Variants in EHMT1 observed in about 807,000 individuals in gnomAD.
EHMT1 encodes histone-lysine N-methyltransferase EHMT1.
Under a neutral mutation model 147.2 loss-of-function variants are expected in EHMT1, and 15 were observed. That is an observed-to-expected ratio of 0.10 (90% confidence interval 0.07 to 0.16). The LOEUF (loss-of-function observed/expected upper bound fraction) is 0.16. Among genes scored for constraint, EHMT1 ranks in the 10% least tolerant of loss-of-function variants. EHMT1 has a pLI of 1.00. For missense variants in EHMT1, 1,587 were observed against 1,772.4 expected (o/e 0.90, Z 1.88); for synonymous variants, 795 against 709.6 (o/e 1.12, Z -1.91).
At chr9:137,643,441 C>CGCCATCCTCAT (rs1844648874) in intron 1 of EHMT1, among the ~76,000 whole-genome samples, 1 of 147,534 alleles carries the variant, frequency 6.8e-6, no homozygotes, top group Non-Finnish European at 1.5e-5. Flanking sequence ...CCCAGGTTCA[C>CGCCATCCTCAT]GCCATCCTCC....
chr9:137,681,612 AC>A (rs989761658), intron 1 of EHMT1, among the ~76,000 whole-genome samples: 20 of 151,890 alleles, frequency 1.3e-4, no homozygotes, highest in African/African-American at 3.9e-4. Context: ...CTTTCCTGAT[AC>A]CTTCACAGGC....
intron 16 of EHMT1, among the ~76,000 whole-genome samples, chr9:137,797,434 G>C (rs1490959126): frequency 6.6e-6 from 1 of 152,132 alleles, no homozygotes; most frequent in African/African-American, 2.4e-5. Context: ...GCTGGCGTCT[G>C]TCTCTCACCT....
chr9:137,683,165 C>A (rs1337107663), intron 1 of EHMT1, among the ~76,000 whole-genome samples: 1 of 152,194 alleles, frequency 6.6e-6, no homozygotes, highest in Non-Finnish European at 1.5e-5. Flanking sequence ...TTATTAAAAT[C>A]ATCAGTAAAG....
chr9:137,705,709 C>A (rs112000750), intron 1 of EHMT1, among the ~76,000 whole-genome samples: 12 of 152,280 alleles, frequency 7.9e-5, no homozygotes, highest in African/African-American at 2.9e-4. Context: ...GAGCGAGAAG[C>A]CCCAAGTCAG....
rs1259376976 is a variant in EHMT1, at chr9:137,759,037, G to C, written c.1501+1026G>C. 2.0e-5 allele frequency among the ~76,000 whole-genome samples: 3 copies of C among 151,860 alleles called. No homozygotes were observed. In the East Asian group the frequency reaches 5.8e-4, roughly 29 times the overall value. On this transcript the variant is annotated intron_variant, in intron 9 of 26. Transcript: ENST00000460843. ...AGCTACTCGGGAGGCTGAGGCAGGA[G>C]AATGGTGTGAACCCAGGAAGCAGAG...
At chr9:137,704,841 C>CACCGAGA (rs1944125881) in intron 1 of EHMT1, among the ~76,000 whole-genome samples, 1 of 116,864 alleles carries the variant, frequency 8.6e-6, no homozygotes, top group Admixed American at 1.2e-4. Context: ...TCTTTCTTTC[C>CACCGAGA]TTTCCTTCCC....
rs1328108630 is a variant in EHMT1, at chr9:137,798,846, GC to G, written c.2541del (p.Lys848ArgfsTer30). 1 of 1,614,202 alleles carries G rather than the reference GC, an allele frequency of 6.2e-7. No individual in the cohort carries two copies. The highest frequency in any genetic ancestry group is 8.5e-7 in the Non-Finnish European group (1 of 1,180,014). On this transcript the variant is annotated frameshift_variant, in exon 17 of 27. Transcript: ENST00000460843. LOFTEE classifies it high-confidence loss of function. ...AEGSTCLHLA[A>X]KKGHYEVVQY... is the part of the protein sequence containing the mutation. ...GGGCTCTACGTGTTTGCACCTGGCTGCCAAGAAAGGCCACTACGAAGTGGTC... is the reference window on the plus strand; with the variant it reads ...GGGCTCTACGTGTTTGCACCTGGCTGCAAGAAAGGCCACTACGAAGTGGTC...
intron 14 of EHMT1, among the ~76,000 whole-genome samples, chr9:137,781,916 T>C (rs12003716): frequency 0.049 from 7,506 of 152,286 alleles, 618 homozygotes; most frequent in African/African-American, 0.17. Flanking sequence ...TGCTCAGGCC[T>C]CTGTCCCCGG....
chr9:137,740,123 A>G (rs942938132), intron 4 of EHMT1, among the ~76,000 whole-genome samples: 3 of 150,670 alleles, frequency 2.0e-5, no homozygotes, highest in Non-Finnish European at 4.4e-5. Flanking sequence ...CCTTGTCCAC[A>G]CCTCTTCTAC....
At chr9:137,696,685 A>G (rs1202597476) in intron 1 of EHMT1, among the ~76,000 whole-genome samples, 1 of 152,224 alleles carries the variant, frequency 6.6e-6, no homozygotes. Flanking sequence ...AGATAAGTTT[A>G]AAGAGACCGC....
At chr9:137,684,882 A>G (rs547130378) in intron 1 of EHMT1, among the ~76,000 whole-genome samples, 1 of 152,272 alleles carries the variant, frequency 6.6e-6, no homozygotes, top group East Asian at 1.9e-4. Flanking sequence ...GTATTTTGCT[A>G]TGTCCTGTTT....
At position 137,641,383 on chromosome 9, in the gene EHMT1, T is replaced by A. The variant is rs1211504222; in HGVS notation, c.21+22334T>A. ...GGATTTTCGTCAAAATAAAAACCTA[T>A]TCTGTAACCTGATTTAATATCTTCA... On this transcript the variant is annotated intron_variant, in intron 1 of 26. Coordinates refer to ENST00000460843, the MANE Select transcript of EHMT1 (RefSeq NM_024757.5). The A allele has an allele frequency of 1.2e-5, 6 of 521,330 alleles. No homozygotes were observed. In the East Asian group the frequency reaches 3.0e-4, roughly 26 times the overall value. The allele number at this position is 521,330 out of a possible 1,614,324, so 32.3% of individuals were successfully genotyped here.
intron 16 of EHMT1, chr9:137,795,236 A>G (rs961288419): frequency 3.3e-5 from 5 of 152,204 alleles, no homozygotes. Flanking sequence ...TAAACACTGA[A>G]ATACATGTGA....
At chr9:137,798,538 T>C (rs1953154843) in intron 16 of EHMT1, among the ~76,000 whole-genome samples, 1 of 152,238 alleles carries the variant, frequency 6.6e-6, no homozygotes, top group African/African-American at 2.4e-5. Flanking sequence ...CCATCTATTA[T>C]TTTAAGTTCT....
intron 16 of EHMT1, among the ~76,000 whole-genome samples, chr9:137,793,832 G>A (rs1441141277): frequency 6.6e-6 from 1 of 152,216 alleles, no homozygotes; most frequent in Non-Finnish European, 1.5e-5. Flanking sequence ...GCCATCGAGA[G>A]TAGGGAGATT....
rs760127163 is a variant in EHMT1, at chr9:137,782,056, G to T, written c.2276-235G>T. ...AGAGCAGGGTGGTAAAGGGAAGAGC[G>T]TGCCTTGCCGAGTTAGTTCTGACAG... is the stretch of plus-strand genomic sequence containing the variant. On this transcript the variant is annotated intron_variant, in intron 14 of 26. Coordinates refer to ENST00000460843, the MANE Select transcript of EHMT1 (RefSeq NM_024757.5). The surrounding 1 kb of genome is among the most constrained non-coding windows in gnomAD (Gnocchi z 5.7). 6.6e-6 allele frequency among the ~76,000 whole-genome samples: 1 copy of T among 152,218 alleles called. No individual in the cohort carries two copies. Among genetic ancestry groups the T allele is most frequent in the East Asian group, 1.9e-4 (1 of 5,196 alleles).
Position 137,731,133 on chromosome 9 carries a change from C to T in EHMT1, c.823+2604C>T, listed in dbSNP as rs957117532. Among the ~76,000 whole-genome samples the T allele has an allele frequency of 1.3e-5, 2 of 152,202 alleles. No individual in the cohort carries two copies. Among genetic ancestry groups the T allele is most frequent in the African/African-American group, 4.8e-5 (2 of 41,436 alleles). On this transcript the variant is annotated intron_variant, in intron 4 of 26. Transcript: ENST00000460843. The surrounding 1 kb of genome is among the most constrained non-coding windows in gnomAD (Gnocchi z 4.3). ...AGCGTGTTTAGCAGGCTCCAGTTTA[C>T]CCTTCCACAGCCCCCTTCCTCCACC... is the stretch of plus-strand genomic sequence containing the variant.
intron 18 of EHMT1, among the ~76,000 whole-genome samples, chr9:137,801,688 G>A (rs575388237): frequency 4.6e-5 from 7 of 152,168 alleles, no homozygotes; most frequent in Middle Eastern, 6.8e-3. Context: ...TAGTAGAGAC[G>A]GGGTTTTACC....
intron 1 of EHMT1, among the ~76,000 whole-genome samples, chr9:137,677,757 C>G (rs1941509513): frequency 6.6e-6 from 1 of 151,904 alleles, no homozygotes; most frequent in Non-Finnish European, 1.5e-5. Flanking sequence ...TGTTGTGTAT[C>G]TTAAAAAAAT....
Sources: gnomAD v4.1 joint callset for allele counts (sites outside exome capture counted in the v4.1 genomes callset) on GRCh38, gnomAD v4.1.1 for gene constraint, Gnocchi (gnomAD v3.1) non-coding constraint, MANE v1.5 for transcripts, NCBI Gene and HGNC (gene_info 2026-07-23, HGNC 2026-07-21) for gene names.